The following DNAH2 variants were observed in gnomAD, a reference collection of about 807,000 sequenced individuals.
DNAH2 encodes the protein dynein axonemal heavy chain 2, also known as axonemal beta dynein heavy chain 2.
Under a neutral mutation model 523.5 loss-of-function variants are expected in DNAH2, and 323 were observed. The observed-to-expected ratio is 0.62, with a 90% CI of 0.56 to 0.68. DNAH2 has a LOEUF of 0.68. Ranked by LOEUF, DNAH2 falls within the 30% of genes least tolerant of loss-of-function variation. The pLI is 0.00. For synonymous variants in DNAH2, 2,093 were observed against 2,177.4 expected, an observed-to-expected ratio of 0.96 and a Z score of 1.08; for missense variants, 4,907 against 5,701.5, an observed-to-expected ratio of 0.86 and a Z score of 4.49.
intron 2 of DNAH2, among the ~76,000 whole-genome samples, chr17:7,722,964 CTTTTTTTTTT>C (rs559136734): frequency 2.6e-5 from 3 of 114,698 alleles, no homozygotes; most frequent in East Asian, 5.5e-4. Context: ...CTTTTCTTTC[CTTTTTTTTTT>C]TTTTTTTTTT....
intron 12 of DNAH2, among the ~76,000 whole-genome samples, chr17:7,744,293 CAAAAAAA>C (rs397977899): frequency 8.1e-5 from 3 of 37,118 alleles, no homozygotes; most frequent in Non-Finnish European, 1.2e-4. Context: ...GTCTCCGTCT[CAAAAAAA>C]AAAAAAAAAA....
intron 44 of DNAH2, among the ~76,000 whole-genome samples, chr17:7,789,321 G>A (rs929667948): frequency 1.3e-5 from 2 of 152,216 alleles, no homozygotes; most frequent in African/African-American, 4.8e-5. Context: ...AGTGGCCTCT[G>A]CAGAAGTGCA....
chr17:7,740,461 AC>A lies in DNAH2; in HGVS notation c.1420del (p.Leu474Ter). On this transcript the variant is annotated frameshift_variant, in exon 10 of 86. Transcript: ENST00000572933. LOFTEE classifies it high-confidence loss of function. ...AAGGACCTGGAGGTGATGACCCAGA[AC>A]CTGATCACCTCAGCCTTCGAGTTGG... Reference protein sequence around the residue: ...GIKDLEVMTQNLITSAFELVR... With the variant: ...GIKDLEVMTQXLITSAFELVR... The A allele has an allele frequency of 6.2e-7, 1 of 1,614,082 alleles. No homozygotes were observed. Among genetic ancestry groups the A allele is most frequent in the Non-Finnish European group, 8.5e-7 (1 of 1,179,990 alleles).
At position 7,805,281 on chromosome 17, in the gene DNAH2, A is replaced by G. The variant is rs140339959; in HGVS notation, c.9330A>G (p.Ile3110Met). Residue 3110 changes from isoleucine to methionine, a missense_variant, in exon 61 of 86, where the codon ATA (isoleucine) becomes ATG (methionine). Around this residue, in one of 3 missense-constraint regions of DNAH2, gnomAD observed 1,851 missense variants for 2,139.4 expected, o/e 0.87. Transcript: ENST00000572933. Reference protein sequence around the residue: ...RALESLNKKDIGEIKSYGRPP... With the variant: ...RALESLNKKDMGEIKSYGRPP... The stretch of plus-strand genomic sequence containing the variant: ...TGGAGTCTCTGAACAAGAAGGATAT[A>G]GGAGAGATCAAGTCTTATGGACGGC... 102 of 1,614,094 alleles carry G rather than the reference A, an allele frequency of 6.3e-5. No homozygotes were observed. The highest frequency in any genetic ancestry group is 8.0e-5 in the Non-Finnish European group (94 of 1,180,034).
intron 42 of DNAH2, chr17:7,787,633 G>A (rs569599851): frequency 1.5e-3 from 700 of 477,878 alleles, no homozygotes; most frequent in Non-Finnish European, 2.3e-3. Context: ...GTACTCTGGA[G>A]GCTGAGGTGG....
chr17:7,767,861 C>A (rs370556646), intron 22 of DNAH2, 39 bp from the exon 23 acceptor site: 121 of 1,612,056 alleles, frequency 7.5e-5, no homozygotes, highest in Non-Finnish European at 9.2e-5. Flanking sequence ...AGGAAGAGGG[C>A]AGGTGCCACT....
rs988342474 is a variant in DNAH2, at chr17:7,807,772, T to G, written c.9729+186T>G. On this transcript the variant is annotated intron_variant, in intron 63 of 85. Coordinates refer to ENST00000572933, the MANE Select transcript of DNAH2 (RefSeq NM_020877.5). The surrounding 1 kb of genome is among the most constrained non-coding windows in gnomAD (Gnocchi z 5.6). ...GCTGCCTCTGGCTCAGAAAGCTAAG[T>G]CAATTGCAGAGGGTTATAAAGGCTC... 6.6e-6 allele frequency among the ~76,000 whole-genome samples: 1 copy of G among 152,142 alleles called. No homozygotes were observed. The highest frequency in any genetic ancestry group is 2.4e-5 in the African/African-American group (1 of 41,428).
In DNAH2 at chr17:7,765,498, C is replaced by T. The variant is rs775803833; in HGVS notation, c.3444C>T (p.Gly1148=). 4 of 1,614,228 alleles carry T rather than the reference C, an allele frequency of 2.5e-6. No individual in the cohort carries two copies. The highest frequency in any genetic ancestry group is 3.4e-6 in the Non-Finnish European group (4 of 1,180,046). ...AACACAAGGAGAAATTCAAGACAGG[C>T]CTGATCCACTCGGCAGATGACTTCA... The part of the protein sequence containing the change: ...LKKHKEKFKT[G]LIHSADDFKK... The change falls in exon 21 of 86, where the codon GGC becomes GGT. Residue 1148 remains glycine, a synonymous_variant. Transcript: ENST00000572933.
rs370527328 is a variant in DNAH2 at position 7,830,440 on chromosome 17, C to T, written c.11994C>T (p.Phe3998=). ...CTGTGTTACTTGAACGCAAAAAGTT[C>T]CTGCAGCTTGGCTGGAACATCATCT... ...FHSVLLERKK[F]LQLGWNIIYG... Residue 3998 remains phenylalanine (F), a synonymous_variant, in exon 78 of 86, where the codon TTC becomes TTT. Transcript: ENST00000572933. 1.9e-5 allele frequency: 31 copies of T among 1,614,228 alleles called. No homozygotes were observed. The highest frequency in any genetic ancestry group is 5.0e-5 in the Admixed American group (3 of 60,030).
chr17:7,805,537 C>T (rs905738243), intron 61 of DNAH2, 144 bp downstream of exon 61: 8 of 1,229,016 alleles, frequency 6.5e-6, no homozygotes, highest in East Asian at 2.5e-5. Context: ...GAAAGGAGAC[C>T]GCATGAATAT....
In DNAH2 at chr17:7,807,927, G is replaced by A. The variant is rs2077410401; in HGVS notation, c.9729+341G>A. ...GCGTGGCAAATTGGTCTTTGCCAGA[G>A]GGATGGGTCAAGAGTGTCTGTGTCG... On this transcript the variant is annotated intron_variant, in intron 63 of 85. Coordinates refer to ENST00000572933, the MANE Select transcript of DNAH2 (RefSeq NM_020877.5). The surrounding 1 kb of genome is among the most constrained non-coding windows in gnomAD (Gnocchi z 5.6). 6.6e-6 allele frequency among the ~76,000 whole-genome samples: 1 copy of A among 152,196 alleles called. No homozygotes were observed. The highest frequency in any genetic ancestry group is 1.5e-5 in the Non-Finnish European group (1 of 68,036).
In DNAH2 at chr17:7,833,626, A is replaced by T. The variant is rs1181360634; in HGVS notation, c.*93A>T. The T allele has an allele frequency of 1.3e-6, 2 of 1,568,002 alleles. No individual in the cohort carries two copies. The highest frequency in any genetic ancestry group is 1.3e-5 in the African/African-American group (1 of 74,254). On this transcript the variant is annotated 3_prime_UTR_variant, in exon 86 of 86. Transcript: ENST00000572933. Reference sequence around the variant, plus strand: ...CTAGGACTGAGGCCGGACCTCACTCAGACTTTGACCTTGGCCGAATTTGTG... The same window carrying T: ...CTAGGACTGAGGCCGGACCTCACTCTGACTTTGACCTTGGCCGAATTTGTG...
rs1017322732 is a variant in DNAH2, at chr17:7,718,001, G to A, written c.-813G>A. ...GGAGAAGGGGCAGTTGTGACAGCTG[G>A]GGGGGAAGAGCCATTCTGAGGGGAA... On this transcript the variant is annotated 5_prime_UTR_variant, in exon 1 of 86. Coordinates refer to ENST00000572933, the MANE Select transcript of DNAH2 (RefSeq NM_020877.5). 6.6e-6 allele frequency: 1 copy of A among 151,436 alleles called. No homozygotes were observed. Among genetic ancestry groups the A allele is most frequent in the East Asian group, 1.9e-4 (1 of 5,160 alleles). The allele number at this position is 151,436 out of a possible 1,614,324, so 9.4% of individuals were successfully genotyped here. A position where few individuals can be genotyped will look rare whatever the true frequency, so the allele number is the denominator to read the frequency against.
Position 7,819,275 on chromosome 17 carries a change from G to A in DNAH2, c.10882G>A (p.Asp3628Asn), listed in dbSNP as rs1467502259. Reference protein sequence around the residue: ...FFVLNDMGCIDPMYQFSLDAY... With the variant: ...FFVLNDMGCINPMYQFSLDAY... ...CGTGCTCAATGATATGGGCTGCATC[G>A]ACCCCATGTACCAGTTCTCACTGGA... The change falls in exon 72 of 86, where the codon GAC (aspartate) becomes AAC (asparagine). Residue 3628 changes from aspartate (D) to asparagine (N), a missense_variant. Coordinates refer to ENST00000572933, the MANE Select transcript of DNAH2 (RefSeq NM_020877.5). 6.8e-6 allele frequency: 11 copies of A among 1,614,002 alleles called. No individual in the cohort carries two copies. Among genetic ancestry groups the A allele is most frequent in the African/African-American group, 2.7e-5 (2 of 74,930 alleles).
chr17:7,786,709 G>A lies in DNAH2; in HGVS notation c.6466+22G>A. The A allele has an allele frequency of 1.2e-6, 2 of 1,611,362 alleles. No individual in the cohort carries two copies. The highest frequency in any genetic ancestry group is 2.2e-5 in the South Asian group (2 of 90,962). On this transcript the variant is annotated intron_variant, in intron 41 of 85. Transcript: ENST00000572933. This position sits in a 1 kb window ranked among gnomAD's most constrained non-coding sequence, Gnocchi z 7.5. ...GCAGGTATCCAGAGGATCGTGGGGT[G>A]TGGAGAGCAGACGCCTGAGTCTCCT...
In DNAH2 at chr17:7,792,869, C is replaced by T. The variant is rs768604999; in HGVS notation, c.7344+14C>T. The T allele has an allele frequency of 6.2e-7, 1 of 1,607,514 alleles. No individual in the cohort carries two copies. The highest frequency in any genetic ancestry group is 8.5e-7 in the Non-Finnish European group (1 of 1,174,496). On this transcript the variant is annotated intron_variant, in intron 47 of 85. Transcript: ENST00000572933. ...ATGTCCGCACAGGTGTGTCGGGGAT[C>T]CAGGGGCCAGGCTGCCGGCTCCCTT...
intron 56 of DNAH2, 44 bp downstream of exon 56, chr17:7,799,286 C>T (rs908064883): frequency 6.2e-7 from 1 of 1,605,612 alleles, no homozygotes; most frequent in Non-Finnish European, 8.5e-7. Context: ...CTGTGTGCTC[C>T]CTCACCCTGC....
At chr17:7,818,582 G>T (rs910969003) in intron 69 of DNAH2, 61 bp from the exon 70 acceptor site, 33 of 1,606,482 alleles carry the variant, frequency 2.1e-5, no homozygotes, top group Middle Eastern at 3.3e-4. Context: ...GGTGGAAAGA[G>T]ATGAGGAAGG....
chr17:7,768,557 A>C (rs1468687713), intron 24 of DNAH2, among the ~76,000 whole-genome samples: 2 of 152,214 alleles, frequency 1.3e-5, no homozygotes, highest in Non-Finnish European at 2.9e-5. Flanking sequence ...TTTTGTAGTG[A>C]GAGTACTGAA....
Sources: gnomAD v4.1 joint callset for allele counts (sites outside exome capture counted in the v4.1 genomes callset) on GRCh38, gnomAD v4.1.1 for gene constraint, gnomAD v4.1.1 regional missense constraint, Gnocchi (gnomAD v3.1) non-coding constraint, MANE v1.5 for transcripts, NCBI Gene and HGNC (gene_info 2026-07-23, HGNC 2026-07-21) for gene names.